The following FHIT variants were observed in gnomAD, a reference collection of about 807,000 sequenced individuals.
FHIT encodes the protein fragile histidine triad diadenosine triphosphatase, also known as bis(5'-adenosyl)-triphosphatase.
Under a neutral mutation model 17.9 loss-of-function variants are expected in FHIT, and 19 were observed. The ratio of observed to expected loss-of-function variants is 1.06; its 90% confidence interval spans 0.74 to 1.56. FHIT has a LOEUF of 1.56. Ranked by LOEUF, FHIT falls within the 40% of genes most tolerant of loss-of-function variation. The probability of loss-of-function intolerance (pLI) is 0.00; values close to 1 mark genes in which losing one functional copy is unlikely to be tolerated. For synonymous variants in FHIT, 81 were observed against 69.7 expected (o/e 1.16, Z -0.81); for missense variants, 248 against 189.2 (o/e 1.31, Z -1.82).
intron 5 of FHIT, among the ~76,000 whole-genome samples, chr3:60,483,385 CT>C (rs1283718671): frequency 4.6e-5 from 7 of 151,976 alleles, no homozygotes; most frequent in African/African-American, 4.8e-5. Flanking sequence ...AAAAAAGAAA[CT>C]GTAGGCCAAT....
chr3:59,898,671 C>T (rs546316450), intron 8 of FHIT, among the ~76,000 whole-genome samples: 5 of 151,566 alleles, frequency 3.3e-5, no homozygotes, highest in South Asian at 2.1e-4. Context: ...TACTTTTAGT[C>T]CACTGTTGTC....
intron 4 of FHIT, among the ~76,000 whole-genome samples, chr3:60,578,970 A>C (rs1262434218): frequency 6.6e-6 from 1 of 152,156 alleles, no homozygotes; most frequent in African/African-American, 2.4e-5. Context: ...AGAAAAAGGG[A>C]ATTTTACAAT....
intron 5 of FHIT, among the ~76,000 whole-genome samples, chr3:60,232,158 G>A (rs1164269878): frequency 6.6e-6 from 1 of 152,136 alleles, no homozygotes; most frequent in Admixed American, 6.5e-5. Context: ...CATGCACACT[G>A]TCCCTGTAAG....
At chr3:60,789,143 T>G (rs71619251) in intron 4 of FHIT, among the ~76,000 whole-genome samples, 45 of 90,520 alleles carry the variant, frequency 5.0e-4, no homozygotes, top group Non-Finnish European at 3.1e-4. Flanking sequence ...TAGAGAGAGA[T>G]GTGTGTGTGT....
At chr3:60,296,064 T>C (rs1435116642) in intron 5 of FHIT, among the ~76,000 whole-genome samples, 3 of 152,120 alleles carry the variant, frequency 2.0e-5, no homozygotes, top group African/African-American at 7.2e-5. Context: ...TCTCACCTCC[T>C]TTCATGTAAG....
intron 5 of FHIT, among the ~76,000 whole-genome samples, chr3:60,158,004 T>C (rs949347133): frequency 7.2e-5 from 11 of 152,184 alleles, no homozygotes; most frequent in African/African-American, 2.4e-4. Context: ...TGTTCTTCCT[T>C]AGAAGCATGA....
chr3:60,820,243 G>A (rs185130859), intron 4 of FHIT, among the ~76,000 whole-genome samples: 155 of 152,292 alleles, frequency 1.0e-3, no homozygotes, highest in African/African-American at 3.5e-3. Flanking sequence ...AGGAGGTAGA[G>A]GTTGCGGTTA....
chr3:60,540,576 A>G (rs1441700749), intron 4 of FHIT, among the ~76,000 whole-genome samples: 1 of 152,228 alleles, frequency 6.6e-6, no homozygotes, highest in African/African-American at 2.4e-5. Context: ...GGGGGGAAAG[A>G]AACCCCACAC....
chr3:61,106,586 T>A (rs992220439), intron 2 of FHIT, among the ~76,000 whole-genome samples: 6 of 152,206 alleles, frequency 3.9e-5, no homozygotes, highest in Admixed American at 3.3e-4. Flanking sequence ...GTACAACATA[T>A]TTTAAAATAT....
intron 4 of FHIT, among the ~76,000 whole-genome samples, chr3:60,772,187 G>A (rs1700066798): frequency 6.6e-6 from 1 of 151,996 alleles, no homozygotes; most frequent in African/African-American, 2.4e-5. Flanking sequence ...AATTTGGAAT[G>A]GTTTTGCCCC....
chr3:60,959,398 A>G (rs577738869), intron 3 of FHIT, among the ~76,000 whole-genome samples: 2 of 152,306 alleles, frequency 1.3e-5, no homozygotes, highest in Admixed American at 1.3e-4. Context: ...TCTCCATTCT[A>G]TTAACAAATT....
intron 5 of FHIT, among the ~76,000 whole-genome samples, chr3:60,196,627 GACCACAC>G (rs1304015397): frequency 6.6e-6 from 1 of 151,936 alleles, no homozygotes; most frequent in African/African-American, 2.4e-5. Flanking sequence ...GTGGGTTAGG[GACCACAC>G]ACCCGCCCTA....
chr3:61,122,484 C>A (rs988550054), intron 2 of FHIT, among the ~76,000 whole-genome samples: 7 of 152,266 alleles, frequency 4.6e-5, no homozygotes, highest in African/African-American at 1.4e-4. Context: ...GCAATGGCAA[C>A]AAAAGCCAAA....
At chr3:60,429,813 AG>A (rs913486911) in intron 5 of FHIT, among the ~76,000 whole-genome samples, 9 of 152,106 alleles carry the variant, frequency 5.9e-5, no homozygotes, top group Admixed American at 4.6e-4. Context: ...CTCACTGTAT[AG>A]GTGTGGAAGC....
At chr3:60,131,461 TCA>T (rs1699593428) in intron 5 of FHIT, among the ~76,000 whole-genome samples, 1 of 152,068 alleles carries the variant, frequency 6.6e-6, no homozygotes, top group Non-Finnish European at 1.5e-5. Context: ...TCATATAATC[TCA>T]CACTTTCAAG....
At chr3:60,269,451 T>G (rs1033100841) in intron 5 of FHIT, among the ~76,000 whole-genome samples, 1 of 152,216 alleles carries the variant, frequency 6.6e-6, no homozygotes, top group African/African-American at 2.4e-5. Context: ...TATTTTCCAG[T>G]GAGTTATGAC....
chr3:60,690,693 G>A (rs1197322438), intron 4 of FHIT: 1 of 461,514 alleles, frequency 2.2e-6, no homozygotes, highest in South Asian at 1.7e-5. Flanking sequence ...TGACAGCAAT[G>A]TCGAAGAAAA....
chr3:61,133,430 C>T (rs952847443), intron 2 of FHIT, among the ~76,000 whole-genome samples: 4 of 152,054 alleles, frequency 2.6e-5, no homozygotes, highest in African/African-American at 9.7e-5. Flanking sequence ...CTGGTGATCC[C>T]ATTAACTAAG....
intron 4 of FHIT, among the ~76,000 whole-genome samples, chr3:60,806,244 C>A (rs1284512894): frequency 6.6e-6 from 1 of 152,142 alleles, no homozygotes; most frequent in African/African-American, 2.4e-5. Context: ...CATCAGCACC[C>A]CAGGCAGCAG....
Sources: allele counts gnomAD v4.1 joint callset (sites outside exome capture counted in the v4.1 genomes callset), GRCh38; gene constraint gnomAD v4.1.1; transcripts MANE v1.5; gene names NCBI Gene and HGNC (gene_info 2026-07-23, HGNC 2026-07-21).